The following PPP1R1C variants were observed in gnomAD, a reference collection of about 807,000 sequenced individuals.
PPP1R1C encodes protein phosphatase 1 regulatory subunit 1C.
A neutral mutation model predicts 17.4 loss-of-function variants in PPP1R1C; 15 were observed. That is an observed-to-expected ratio of 0.86 (90% CI 0.58 to 1.33). PPP1R1C has a LOEUF of 1.33. PPP1R1C is among the 40% of genes most tolerant of loss of function. The pLI, the probability that PPP1R1C is intolerant of heterozygous loss-of-function variation, is 0.00. For synonymous variants in PPP1R1C, 35 were observed against 43.1 expected, an observed-to-expected ratio of 0.81 and a Z score of 0.73; for missense variants, 143 against 130.0, an observed-to-expected ratio of 1.10 and a Z score of -0.48.
chr2:182,104,291 A>C (rs953097982), intron 4 of PPP1R1C, among the ~76,000 whole-genome samples: 6 of 152,202 alleles, frequency 3.9e-5, no homozygotes, highest in African/African-American at 1.4e-4. Flanking sequence ...CTGGTCTTCC[A>C]TTGAGTATGA....
At chr2:182,114,656 C>A (rs1689529601) in intron 4 of PPP1R1C, among the ~76,000 whole-genome samples, 1 of 152,092 alleles carries the variant, frequency 6.6e-6, no homozygotes, top group Non-Finnish European at 1.5e-5. Context: ...CTTTGGGAAT[C>A]AAAGAATTCG....
intron 4 of PPP1R1C, among the ~76,000 whole-genome samples, chr2:182,096,700 C>T (rs534639952): frequency 1.8e-4 from 27 of 152,136 alleles, no homozygotes; most frequent in South Asian, 8.3e-4. Flanking sequence ...TGGCTGGTTC[C>T]TTTGTTATCT....
intron 5 of PPP1R1C, among the ~76,000 whole-genome samples, chr2:182,127,793 G>A (rs964011028): frequency 3.3e-5 from 5 of 152,012 alleles, no homozygotes; most frequent in African/African-American, 1.2e-4. Flanking sequence ...GTCAGCATAG[G>A]TATTTGTTGA....
chr2:182,130,538 A>G (rs1479949933), downstream of PPP1R1C: 10 of 152,204 alleles, frequency 6.6e-5, no homozygotes, highest in Admixed American at 6.5e-4. Flanking sequence ...ACTTAAAAAA[A>G]TAGTTTGCAG....
At chr2:182,099,175 G>A (rs1451546050) in intron 4 of PPP1R1C, among the ~76,000 whole-genome samples, 1 of 152,252 alleles carries the variant, frequency 6.6e-6, no homozygotes, top group East Asian at 1.9e-4. Context: ...GAGATCATGG[G>A]CAACTCATGT....
intron 4 of PPP1R1C, among the ~76,000 whole-genome samples, chr2:182,073,007 C>G (rs529414673): frequency 9.9e-5 from 15 of 152,220 alleles, no homozygotes; most frequent in Non-Finnish European, 2.2e-4. Flanking sequence ...TCCTGCCTTG[C>G]CTCCGGCCAC....
intron 2 of PPP1R1C, among the ~76,000 whole-genome samples, chr2:182,039,882 A>G (rs980670896): frequency 2.0e-5 from 3 of 152,164 alleles, no homozygotes; most frequent in African/African-American, 4.8e-5. Context: ...CTTATCTCCA[A>G]TTATAAATGA....
At chr2:182,055,154 G>A (rs1366907543) in intron 2 of PPP1R1C, among the ~76,000 whole-genome samples, 3 of 151,808 alleles carry the variant, frequency 2.0e-5, no homozygotes, top group Non-Finnish European at 4.4e-5. Flanking sequence ...ATTTCTGAGT[G>A]TATCTCTTTG....
intron 2 of PPP1R1C, among the ~76,000 whole-genome samples, chr2:182,005,213 C>G (rs190762363): frequency 4.1e-4 from 63 of 152,254 alleles, no homozygotes; most frequent in Non-Finnish European, 8.1e-4. Context: ...ACAATTACTG[C>G]TCTTAATCAT....
At chr2:182,020,079 A>G (rs1179865299) in intron 2 of PPP1R1C, among the ~76,000 whole-genome samples, 1 of 152,210 alleles carries the variant, frequency 6.6e-6, no homozygotes, top group Non-Finnish European at 1.5e-5. Flanking sequence ...TTAGAGACAT[A>G]ATTAGTTTTC....
chr2:182,038,692 G>A (rs998913828), intron 2 of PPP1R1C, among the ~76,000 whole-genome samples: 13 of 152,120 alleles, frequency 8.5e-5, no homozygotes, highest in Admixed American at 5.2e-4. Flanking sequence ...TCAAATCCAT[G>A]GATTTAAAAA....
intron 2 of PPP1R1C, among the ~76,000 whole-genome samples, chr2:181,992,807 G>T (rs1439382992): frequency 1.3e-5 from 1 of 78,108 alleles, no homozygotes; most frequent in African/African-American, 4.8e-5. Flanking sequence ...AAAAACAAAG[G>T]TTGTTCTCAC....
At chr2:181,959,994 A>G (rs1684738008) in intron 1 of PPP1R1C, among the ~76,000 whole-genome samples, 1 of 152,202 alleles carries the variant, frequency 6.6e-6, no homozygotes, top group African/African-American at 2.4e-5. Context: ...TTGTTCAACC[A>G]TGTGATTCTT....
chr2:181,978,323 T>C (rs868573874), intron 2 of PPP1R1C, among the ~76,000 whole-genome samples: 4 of 152,102 alleles, frequency 2.6e-5, no homozygotes, highest in Non-Finnish European at 1.5e-5. Context: ...ACCTTCTGGG[T>C]TCTGAATGTG....
At chr2:181,964,516 A>G (rs1684870759) in intron 1 of PPP1R1C, among the ~76,000 whole-genome samples, 1 of 152,070 alleles carries the variant, frequency 6.6e-6, no homozygotes, top group Non-Finnish European at 1.5e-5. Context: ...TGGTAGCTCT[A>G]TTTTTTAGTT....
chr2:182,044,034 C>T (rs1377916509), intron 2 of PPP1R1C, among the ~76,000 whole-genome samples: 1 of 152,176 alleles, frequency 6.6e-6, no homozygotes, highest in Non-Finnish European at 1.5e-5. Flanking sequence ...GTTCCCCCAC[C>T]CTCACCTATG....
chr2:181,999,453 G>A (rs1685699352), intron 2 of PPP1R1C, among the ~76,000 whole-genome samples: 4 of 152,116 alleles, frequency 2.6e-5, no homozygotes, highest in Admixed American at 2.6e-4. Context: ...GGTCTGTAAT[G>A]TACATATAGA....
At chr2:181,990,971 C>T (rs185662488) in intron 2 of PPP1R1C, among the ~76,000 whole-genome samples, 164 of 152,202 alleles carry the variant, frequency 1.1e-3, no homozygotes, top group African/African-American at 3.9e-3. Context: ...AATTCAAAAC[C>T]CTGCAAATCT....
chr2:182,117,151 G>A lies in PPP1R1C; in HGVS notation c.242-56G>A, dbSNP rs145646535. The A allele has an allele frequency of 4.1e-3, 4,938 of 1,211,734 alleles. 17 individuals carry two copies. Among genetic ancestry groups the A allele is most frequent in the Admixed American group, 7.0e-3 (310 of 44,528 alleles). 75.1% of individuals were successfully genotyped at this position (1,211,734 alleles called of 1,614,324 possible). On this transcript the variant is annotated intron_variant, in intron 4 of 4. Coordinates refer to ENST00000682840, the MANE Select transcript of PPP1R1C (RefSeq NM_001080545.3). Reference sequence around the variant, plus strand: ...TTTCTTTATCTTTTGCAGCAAAGCGGTTAATATTCCAGAAATGAAAATCAT... The same window carrying A: ...TTTCTTTATCTTTTGCAGCAAAGCGATTAATATTCCAGAAATGAAAATCAT...
Sources: allele counts gnomAD v4.1 joint callset (sites outside exome capture counted in the v4.1 genomes callset), GRCh38; gene constraint gnomAD v4.1.1; transcripts MANE v1.5; gene names NCBI Gene and HGNC (gene_info 2026-07-23, HGNC 2026-07-21).